Variants in OR1J2 observed in about 807,000 individuals in gnomAD.
The protein encoded by OR1J2 is olfactory receptor family 1 subfamily J member 2, also known as olfactory receptor 1J2.
For synonymous variants in OR1J2, 142 were observed against 99.7 expected, an observed-to-expected ratio of 1.42 and a Z score of -2.52; for missense variants, 304 against 246.1, an observed-to-expected ratio of 1.24 and a Z score of -1.57.
At chr9:122,477,121 T>C in the OR1J2 span, 2 of 1,614,034 alleles carry the variant, frequency 1.2e-6, no homozygotes, top group South Asian at 2.2e-5. Flanking sequence ...TATGTTCTTG[T>C]CATTGGTGTT....
At chr9:122,538,597 C>T in the OR1J2 span, among the ~76,000 whole-genome samples, 1 of 152,134 alleles carries the variant, frequency 6.6e-6, no homozygotes, top group African/African-American at 2.4e-5. Flanking sequence ...ATGACTTCTT[C>T]CTTTCCAATT....
At chr9:122,528,588 A>ACTCCGTCTAAAG in the OR1J2 span, among the ~76,000 whole-genome samples, 2 of 152,312 alleles carry the variant, frequency 1.3e-5, no homozygotes, top group East Asian at 3.9e-4. Flanking sequence ...ATAGAGCAAG[A>ACTCCGTCTAAAG]CTCCGTCTAA....
At chr9:122,478,463 C>G in the OR1J2 span, among the ~76,000 whole-genome samples, 1 of 152,198 alleles carries the variant, frequency 6.6e-6, no homozygotes, top group Non-Finnish European at 1.5e-5. Flanking sequence ...CCCTGCTTGT[C>G]TACACAGTGC....
the OR1J2 span, among the ~76,000 whole-genome samples, chr9:122,481,717 A>G: frequency 6.6e-6 from 1 of 152,192 alleles, no homozygotes; most frequent in Non-Finnish European, 1.5e-5. Flanking sequence ...CAAGTATACG[A>G]AGAAAAGGAA....
At chr9:122,565,488 A>G in the OR1J2 span, among the ~76,000 whole-genome samples, 6 of 152,094 alleles carry the variant, frequency 3.9e-5, no homozygotes, top group African/African-American at 1.4e-4. Flanking sequence ...AGCAGCATGT[A>G]CTCCCACTAA....
chr9:122,503,782 C>T, the OR1J2 span, among the ~76,000 whole-genome samples: 6 of 152,270 alleles, frequency 3.9e-5, no homozygotes, highest in Admixed American at 1.3e-4. Context: ...ATATCTTTAC[C>T]GCAGGCCATT....
At chr9:122,555,109 G>A in the OR1J2 span, among the ~76,000 whole-genome samples, 1 of 152,094 alleles carries the variant, frequency 6.6e-6, no homozygotes. Flanking sequence ...TTTCAAAAAA[G>A]GAAATGAAAT....
At chr9:122,519,598 G>T in the OR1J2 span, 1 of 1,614,024 alleles carries the variant, frequency 6.2e-7, no homozygotes, top group Non-Finnish European at 8.5e-7. Flanking sequence ...ATCCTCTCCT[G>T]TACCAATGCC....
the OR1J2 span, among the ~76,000 whole-genome samples, chr9:122,551,980 A>G: frequency 5.9e-5 from 8 of 135,238 alleles, no homozygotes; most frequent in Admixed American, 2.3e-4. Context: ...GAATTTGAAG[A>G]TGCCTAAAAC....
chr9:122,491,887 G>T, the OR1J2 span, among the ~76,000 whole-genome samples: 5 of 152,162 alleles, frequency 3.3e-5, no homozygotes, highest in East Asian at 1.9e-4. Context: ...AACAAATTTT[G>T]GGGAAAAATG....
At chr9:122,481,464 T>C in the OR1J2 span, among the ~76,000 whole-genome samples, 4 of 151,498 alleles carry the variant, frequency 2.6e-5, no homozygotes, top group Non-Finnish European at 5.9e-5. Context: ...TCCGGACACA[T>C]AGAGAACTCC....
At chr9:122,520,036 G>A in the OR1J2 span, 1 of 1,614,016 alleles carries the variant, frequency 6.2e-7, no homozygotes, top group Non-Finnish European at 8.5e-7. Context: ...GACATAAAGG[G>A]AGCCCTGGAG....
At chr9:122,519,065 C>T in the OR1J2 span, 13 of 984,798 alleles carry the variant, frequency 1.3e-5, no homozygotes, top group Non-Finnish European at 2.0e-5. Context: ...TTCTTATCTG[C>T]TGCTGTAAAT....
chr9:122,467,054 A>C, the OR1J2 span, among the ~76,000 whole-genome samples: 5 of 152,084 alleles, frequency 3.3e-5, no homozygotes, highest in African/African-American at 7.2e-5. Flanking sequence ...CTCGAACTCC[A>C]GACCTCATAA....
chr9:122,567,422 A>G, the OR1J2 span: 2 of 671,326 alleles, frequency 3.0e-6, no homozygotes, highest in South Asian at 4.1e-5. Context: ...AAGTGCCCAC[A>G]ATAGCCTTGT....
chr9:122,509,501 C>T (rs905495637), upstream of OR1J2, among the ~76,000 whole-genome samples: 4 of 152,092 alleles, frequency 2.6e-5, no homozygotes, highest in Admixed American at 1.3e-4. Context: ...AACAATAAAG[C>T]GTAAATAAAT....
the OR1J2 span, among the ~76,000 whole-genome samples, chr9:122,558,379 C>G: frequency 8.8e-6 from 1 of 113,352 alleles, no homozygotes; most frequent in East Asian, 2.7e-4. Context: ...TATCTCTCAC[C>G]TTTTGGATAG....
At chr9:122,566,998 A>C in the OR1J2 span, 1 of 152,164 alleles carries the variant, frequency 6.6e-6, no homozygotes, top group South Asian at 2.1e-4. Flanking sequence ...ATAATAAAGG[A>C]AGGATAGAAA....
the OR1J2 span, chr9:122,566,999 A>G: frequency 6.6e-6 from 1 of 152,194 alleles, no homozygotes; most frequent in Admixed American, 6.5e-5. Flanking sequence ...TAATAAAGGA[A>G]GGATAGAAAG....
Sources: gnomAD v4.1 joint callset for allele counts (sites outside exome capture counted in the v4.1 genomes callset) on GRCh38, gnomAD v4.1.1 for gene constraint, MANE v1.5 for transcripts, NCBI Gene and HGNC (gene_info 2026-07-23, HGNC 2026-07-21) for gene names.